EVL: variants seen among roughly 807,000 people sequenced by gnomAD.
EVL encodes Enah/Vasp-like, also known as ena/VASP-like protein.
EVL carries 21 observed loss-of-function variants against 59.6 expected under a neutral mutation model. The ratio of observed to expected loss-of-function variants is 0.35; its 90% CI spans 0.25 to 0.51. EVL has a LOEUF of 0.51. Among genes scored for constraint, EVL ranks in the 20% least tolerant of loss-of-function variants. The pLI is 0.97. For missense variants in EVL, 462 were observed against 546.6 expected (o/e 0.85, Z 1.54); for synonymous variants, 198 against 203.5 (o/e 0.97, Z 0.23).
upstream of EVL, among the ~76,000 whole-genome samples, chr14:100,065,000 C>T (rs1259070691): frequency 6.6e-6 from 1 of 152,208 alleles, no homozygotes. Context: ...CTTCCGAGTT[C>T]TTGTAGCCTT....
chr14:100,113,481 G>T (rs1887132291), intron 3 of EVL, among the ~76,000 whole-genome samples: 1 of 152,150 alleles, frequency 6.6e-6, no homozygotes, highest in Admixed American at 6.5e-5. Context: ...CTCAGGTGCG[G>T]AAATTAAGTC....
At chr14:100,091,388 T>C (rs1460391655) in intron 2 of EVL, among the ~76,000 whole-genome samples, 1 of 134,240 alleles carries the variant, frequency 7.4e-6, no homozygotes, top group East Asian at 2.0e-4. Context: ...TTGCTGGGTT[T>C]CCCCACTCTG....
rs1030086467 is a variant in EVL at position 100,114,077 on chromosome 14, A to C, written c.359-9462A>C. On this transcript the variant is annotated intron_variant, in intron 3 of 13. Transcript: ENST00000392920. The surrounding 1 kb of genome is among the most constrained non-coding windows in gnomAD (Gnocchi z 5.0). ...CTTCAAGTGAGAGCATGAGGCTTGG[A>C]TCTAGACAGGCCAGAGAGGATGCAC... Among the ~76,000 whole-genome samples the C allele has an allele frequency of 1.3e-5, 2 of 152,050 alleles. No individual in the cohort carries two copies.
At chr14:100,046,206 T>C (rs2061543572) in intron 1 of EVL, among the ~76,000 whole-genome samples, 1 of 152,114 alleles carries the variant, frequency 6.6e-6, no homozygotes, top group Non-Finnish European at 1.5e-5. Flanking sequence ...TTCCTTCGAG[T>C]GTCATGTCGG....
In EVL at chr14:100,044,864, T is replaced by TG. The variant is rs76118076; in HGVS notation, c.6-39819dup. ...TGGTGGGAGCTTGGAGGGGAGACCATGGGGCATCCTTATACCACTTTCCCA... is the reference window on the plus strand; with the variant it reads ...TGGTGGGAGCTTGGAGGGGAGACCATGGGGGCATCCTTATACCACTTTCCCA... On this transcript the variant is annotated intron_variant, in intron 1 of 13. Coordinates refer to the EVL transcript ENST00000402714. Among the ~76,000 whole-genome samples the TG allele has an allele frequency of 0.013, 1,926 of 152,218 alleles. 96 individuals are homozygous for TG. The East Asian group carries it at 0.18, about 14-fold the overall frequency.
At chr14:100,048,648 C>T (rs554570476) in intron 1 of EVL, among the ~76,000 whole-genome samples, 75 of 152,294 alleles carry the variant, frequency 4.9e-4, no homozygotes, top group Non-Finnish European at 9.1e-4. Flanking sequence ...AGCTTACGTT[C>T]GTGACCATTG....
intron 5 of EVL, 92 bp from the exon 6 acceptor site, chr14:100,128,427 C>T: frequency 7.6e-7 from 1 of 1,322,160 alleles, no homozygotes; most frequent in Non-Finnish European, 1.1e-6. Flanking sequence ...CAGCCTGCCC[C>T]TGTCCTTCCT....
Position 100,123,577 on chromosome 14 carries a change from C to A in EVL, c.397C>A (p.Pro133Thr), listed in dbSNP as rs561242621. 2.5e-5 allele frequency: 40 copies of A among 1,614,138 alleles called. No homozygotes were observed. In the South Asian group the frequency reaches 4.3e-4, roughly 17 times the overall value. ...GCGTCAGGTGCAGAATGGCCCCTCT[C>A]CTGATGAGATGGACATCCAGAGAAG... ...SQRQVQNGPS[P>T]DEMDIQRRQV... The change falls in exon 4 of 14, where the codon CCT (proline) becomes ACT (threonine). Residue 133 changes from proline (P) to threonine (T), a missense_variant. Physicochemically the swap from Pro to Thr is conservative, Grantham distance 38 (BLOSUM62 -1). Transcript: ENST00000392920.
intron 1 of EVL, among the ~76,000 whole-genome samples, chr14:100,040,681 A>G (rs1205276961): frequency 1.3e-5 from 2 of 152,224 alleles, no homozygotes; most frequent in East Asian, 1.9e-4. Flanking sequence ...GTTTTGCCTC[A>G]GTATGTCTCC....
At chr14:100,102,232 G>A in intron 3 of EVL, 1 of 455,938 alleles carries the variant, frequency 2.2e-6, no homozygotes, top group Non-Finnish European at 4.4e-6. Context: ...CCTTTGACAA[G>A]TGCAGCGCAG....
intron 1 of EVL, among the ~76,000 whole-genome samples, chr14:100,031,957 C>T (rs1054893501): frequency 2.6e-5 from 4 of 152,230 alleles, no homozygotes; most frequent in Non-Finnish European, 5.9e-5. Context: ...GATGAGCGCC[C>T]CCTCGCAGGG....
At position 100,089,324 on chromosome 14, in the gene EVL, G is replaced by A. The variant is rs1289906320; in HGVS notation, c.180+4469G>A. 3.3e-5 allele frequency among the ~76,000 whole-genome samples: 5 copies of A among 152,160 alleles called. No homozygotes were observed. In the East Asian group the frequency reaches 5.8e-4, roughly 18 times the overall value. ...TAGAAACTATAGCCAACAACTGTAC[G>A]ATGCATAGTCTTCTCAAGTAAACAA... is the stretch of plus-strand genomic sequence containing the variant. On this transcript the variant is annotated intron_variant, in intron 2 of 13. Coordinates refer to ENST00000392920, the MANE Select transcript of EVL (RefSeq NM_016337.3).
At chr14:100,049,369 A>G (rs1276840063) in intron 1 of EVL, among the ~76,000 whole-genome samples, 1 of 152,224 alleles carries the variant, frequency 6.6e-6, no homozygotes, top group Non-Finnish European at 1.5e-5. Flanking sequence ...CAAAGAGCAC[A>G]TGTACTGCAA....
At chr14:100,124,368 A>G (rs1243783819) in intron 4 of EVL, among the ~76,000 whole-genome samples, 4 of 152,178 alleles carry the variant, frequency 2.6e-5, no homozygotes, top group Non-Finnish European at 5.9e-5. Flanking sequence ...CAAATGGCAT[A>G]CGGACTTCTC....
chr14:100,101,370 A>G (rs1349844403), intron 3 of EVL, among the ~76,000 whole-genome samples: 1 of 152,134 alleles, frequency 6.6e-6, no homozygotes, highest in African/African-American at 2.4e-5. Flanking sequence ...AATCCCAGTT[A>G]CTCGGGAGGC....
chr14:100,004,073 G>A (rs575605783), intron 1 of EVL, among the ~76,000 whole-genome samples: 10 of 152,282 alleles, frequency 6.6e-5, no homozygotes, highest in South Asian at 4.1e-4. Context: ...ATGTGGTGAC[G>A]TGCGCCTGTA....
chr14:100,031,113 G>C (rs908430255), intron 1 of EVL, among the ~76,000 whole-genome samples: 4 of 152,198 alleles, frequency 2.6e-5, no homozygotes, highest in Non-Finnish European at 5.9e-5. Context: ...CAACTAAAGA[G>C]CTTTCAAGAG....
At chr14:100,124,194 C>A (rs1887880238) in intron 4 of EVL, among the ~76,000 whole-genome samples, 1 of 152,318 alleles carries the variant, frequency 6.6e-6, no homozygotes, top group African/African-American at 2.4e-5. Context: ...AGCGATGGGT[C>A]CTCTGCCTCT....
In EVL at chr14:99,987,758, A is replaced by G. The variant is rs183810499; in HGVS notation, c.5+15701A>G. 2.6e-5 allele frequency among the ~76,000 whole-genome samples: 4 copies of G among 152,300 alleles called. No individual in the cohort carries two copies. The East Asian group carries it at 7.7e-4, about 29-fold the overall frequency. ...TATGAGGAAAAGGCCTTCATCAGATAGGTAATTTGCCAGTGCCTTCATCTT... is the reference window on the plus strand; with the variant it reads ...TATGAGGAAAAGGCCTTCATCAGATGGGTAATTTGCCAGTGCCTTCATCTT... On this transcript the variant is annotated intron_variant, in intron 1 of 13. Coordinates refer to the EVL transcript ENST00000402714.
Sources: gnomAD v4.1 joint callset for allele counts (sites outside exome capture counted in the v4.1 genomes callset) on GRCh38, gnomAD v4.1.1 for gene constraint, Gnocchi (gnomAD v3.1) non-coding constraint, MANE v1.5 for transcripts, NCBI Gene and HGNC (gene_info 2026-07-23, HGNC 2026-07-21) for gene names.